The following PREX2 variants were observed in gnomAD, a reference collection of about 807,000 sequenced individuals.
PREX2 encodes phosphatidylinositol 3,4,5-trisphosphate-dependent Rac exchanger 2 protein.
In PREX2, 107 loss-of-function variants were observed where a neutral mutation model predicts 203.2. The ratio of observed to expected loss-of-function variants is 0.53; its 90% confidence interval spans 0.45 to 0.62. The LOEUF is 0.62. Ranked by LOEUF, PREX2 falls within the 20% of genes least tolerant of loss-of-function variation. The pLI, the probability that PREX2 is intolerant of heterozygous loss-of-function variation, is 0.00. For synonymous variants in PREX2, 672 were observed against 663.6 expected (o/e 1.01, Z -0.19); for missense variants, 1,777 against 1,955.9 (o/e 0.91, Z 1.72).
intron 35 of PREX2, among the ~76,000 whole-genome samples, chr8:68,169,460 A>T: frequency 6.6e-6 from 1 of 152,172 alleles, no homozygotes. Context: ...ACGCTGTTCC[A>T]GAACAGCAAA....
chr8:68,056,812 T>C (rs1808692865), intron 10 of PREX2, among the ~76,000 whole-genome samples: 1 of 152,244 alleles, frequency 6.6e-6, no homozygotes, highest in African/African-American at 2.4e-5. Context: ...GTTTACAGTC[T>C]AGACTGCAAT....
intron 33 of PREX2, among the ~76,000 whole-genome samples, chr8:68,139,602 G>A (rs937504824): frequency 3.3e-5 from 5 of 152,266 alleles, no homozygotes; most frequent in Non-Finnish European, 4.4e-5. Flanking sequence ...TAGGACCAAG[G>A]GCAGAAGCCC....
intron 4 of PREX2, among the ~76,000 whole-genome samples, chr8:68,024,125 T>C (rs1585714438): frequency 6.6e-6 from 1 of 152,188 alleles, no homozygotes; most frequent in Non-Finnish European, 1.5e-5. Flanking sequence ...TTCTTTCTTA[T>C]GTTTAGTAAC....
intron 21 of PREX2, 73 bp downstream of exon 21, chr8:68,093,795 T>C: frequency 2.7e-6 from 2 of 754,300 alleles, no homozygotes; most frequent in Non-Finnish European, 4.5e-6. Context: ...CTCCCAAATA[T>C]TGAAGGTCCT....
intron 35 of PREX2, among the ~76,000 whole-genome samples, chr8:68,169,171 C>T (rs1249585702): frequency 6.6e-6 from 1 of 152,068 alleles, no homozygotes; most frequent in Non-Finnish European, 1.5e-5. Context: ...ATGGTTCCTA[C>T]AAACGAGTGT....
chr8:68,040,242 G>T (rs1466018981), intron 7 of PREX2, among the ~76,000 whole-genome samples: 1 of 152,052 alleles, frequency 6.6e-6, no homozygotes, highest in East Asian at 1.9e-4. Flanking sequence ...TCCCAGGCTG[G>T]TTTTGAACTC....
chr8:68,220,440 A>C (rs1035188511), intron 38 of PREX2: 1 of 152,178 alleles, frequency 6.6e-6, no homozygotes, highest in Non-Finnish European at 1.5e-5. Context: ...CTAGAAAGAA[A>C]TGTCTTCTCA....
At position 68,170,959 on chromosome 8, in the gene PREX2, A is replaced by G. The variant is rs375546154; in HGVS notation, c.4346+13523A>G. ...ATTTACAGATAAAATGTAAATGTGA[A>G]CAGTGTTCTTCGTGTCAAAGTATTC... On this transcript the variant is annotated intron_variant, in intron 35 of 39. Coordinates refer to ENST00000288368, the MANE Select transcript of PREX2 (RefSeq NM_024870.4). 2.0e-5 allele frequency among the ~76,000 whole-genome samples: 3 copies of G among 152,324 alleles called. No individual in the cohort carries two copies. In the East Asian group the frequency reaches 5.8e-4, roughly 29 times the overall value.
chr8:68,094,586 C>A (rs1450315269), intron 21 of PREX2, among the ~76,000 whole-genome samples: 2 of 152,176 alleles, frequency 1.3e-5, no homozygotes, highest in Admixed American at 6.5e-5. Context: ...GGTGTCTTTC[C>A]ACTCATATTA....
intron 35 of PREX2, among the ~76,000 whole-genome samples, chr8:68,169,504 G>C (rs950949332): frequency 2.6e-5 from 4 of 152,066 alleles, no homozygotes; most frequent in African/African-American, 9.7e-5. Flanking sequence ...AAAAGAAAAA[G>C]ATAACCACAA....
rs780972276 is a variant in PREX2 at position 68,044,496 on chromosome 8, G to T, written c.849G>T (p.Lys283Asn). 6.2e-7 allele frequency: 1 copy of T among 1,610,188 alleles called. No homozygotes were observed. Among genetic ancestry groups the T allele is most frequent in the South Asian group, 1.1e-5 (1 of 90,900 alleles). Reference sequence around the variant, plus strand: ...TTAATTCCATCTTAAGACGGTTGAAGAACAGCAAGGCATCTACAGATGGAC... The same window carrying T: ...TTAATTCCATCTTAAGACGGTTGAATAACAGCAAGGCATCTACAGATGGAC... ...VYCKRKHRRL[K>N]NSKASTDGHR... The change falls in exon 8 of 40, where the codon AAG becomes AAT. Residue 283 changes from lysine to asparagine, a missense_variant. By Grantham distance (94) the Lys-to-Asn change is moderately conservative (BLOSUM62 0). Transcript: ENST00000288368.
rs138173209 is a variant in PREX2, at chr8:68,001,690, A to G, written c.142-16156A>G. On this transcript the variant is annotated intron_variant, in intron 1 of 39. Transcript: ENST00000288368. ...TTCACAATAGCAAAGACATGGAATC[A>G]ACCTAAATGCCCATCAAGTGTAGAC... is the stretch of plus-strand genomic sequence containing the variant. Among the ~76,000 whole-genome samples, 579 of 152,350 alleles carry G rather than the reference A, an allele frequency of 3.8e-3. 3 individuals are homozygous for G. Among genetic ancestry groups the G allele is most frequent in the African/African-American group, 0.013 (554 of 41,570 alleles).
At chr8:68,104,381 C>T (rs1222659779) in intron 23 of PREX2, among the ~76,000 whole-genome samples, 2 of 152,172 alleles carry the variant, frequency 1.3e-5, no homozygotes, top group East Asian at 3.9e-4. Flanking sequence ...GCCTCCCTCT[C>T]ACTGCCGCTC....
At chr8:68,012,548 T>G (rs1807295515) in intron 1 of PREX2, among the ~76,000 whole-genome samples, 1 of 152,166 alleles carries the variant, frequency 6.6e-6, no homozygotes, top group South Asian at 2.1e-4. Flanking sequence ...CTTTAGACAT[T>G]TATTTGAGTA....
chr8:68,094,541 C>G (rs1249405228), intron 21 of PREX2, among the ~76,000 whole-genome samples: 1 of 152,312 alleles, frequency 6.6e-6, no homozygotes, highest in East Asian at 1.9e-4. Context: ...AAAACGTTTT[C>G]ACAGAAGCCC....
At chr8:68,137,164 G>A (rs1214265990) in intron 32 of PREX2, among the ~76,000 whole-genome samples, 1 of 152,000 alleles carries the variant, frequency 6.6e-6, no homozygotes, top group Non-Finnish European at 1.5e-5. Flanking sequence ...TCTCAGCCCC[G>A]CAAACTGTTG....
intron 38 of PREX2, chr8:68,220,143 T>C (rs1812926911): frequency 6.6e-6 from 1 of 152,078 alleles, no homozygotes; most frequent in Non-Finnish European, 1.5e-5. Flanking sequence ...TTATTGTTCT[T>C]ATTTATAATT....
intron 32 of PREX2, among the ~76,000 whole-genome samples, chr8:68,137,698 G>T (rs553930878): frequency 1.3e-5 from 2 of 152,206 alleles, no homozygotes; most frequent in African/African-American, 4.8e-5. Context: ...TAATAGGAAG[G>T]CCAGAAGCTA....
rs1364897472 is a variant in PREX2, at chr8:68,022,024, A to G, written c.337-12A>G. The G allele has an allele frequency of 1.6e-6, 2 of 1,223,950 alleles. No homozygotes were observed. Among genetic ancestry groups the G allele is most frequent in the African/African-American group, 3.0e-5 (2 of 67,362 alleles). The allele number at this position is 1,223,950 out of a possible 1,614,324, so 75.8% of individuals were successfully genotyped here. On this transcript the variant is annotated splice_polypyrimidine_tract_variant and intron_variant, in intron 3 of 39. Transcript: ENST00000288368. The stretch of plus-strand genomic sequence containing the variant: ...AATAAAATGACTAATTTATTCTTAC[A>G]TGAATTCACAGAAAGACAAGTTTCG...
Sources: allele counts gnomAD v4.1 joint callset (sites outside exome capture counted in the v4.1 genomes callset), GRCh38; gene constraint gnomAD v4.1.1; transcripts MANE v1.5; gene names NCBI Gene and HGNC (gene_info 2026-07-23, HGNC 2026-07-21).